NRG1: variants seen among roughly 807,000 people sequenced by gnomAD.
NRG1 encodes pro-neuregulin-1, membrane-bound isoform.
NRG1 carries 18 observed loss-of-function variants against 63.8 expected under a neutral mutation model. The observed-to-expected ratio is 0.28, with a 90% CI of 0.19 to 0.42. The LOEUF is 0.42. Ranked by LOEUF, NRG1 falls within the 10% of genes least tolerant of loss-of-function variation. The pLI, the probability that NRG1 is intolerant of heterozygous loss-of-function variation, is 1.00. For synonymous variants in NRG1, 302 were observed against 301.3 expected, an observed-to-expected ratio of 1.00 and a Z score of -0.02; for missense variants, 762 against 814.7, an observed-to-expected ratio of 0.94 and a Z score of 0.79.
chr8:32,462,286 T>G (rs1822412867), intron 1 of NRG1, among the ~76,000 whole-genome samples: 1 of 152,142 alleles, frequency 6.6e-6, no homozygotes, highest in African/African-American at 2.4e-5. Flanking sequence ...GTGCAGTAGG[T>G]AAAACTAATC....
At chr8:32,576,209 A>G (rs1180475139) in intron 1 of NRG1, among the ~76,000 whole-genome samples, 1 of 152,198 alleles carries the variant, frequency 6.6e-6, no homozygotes, top group Non-Finnish European at 1.5e-5. Flanking sequence ...AATATTATGA[A>G]ATTACTTTCA....
chr8:31,725,746 A>G (rs1396683802), intron 1 of NRG1, among the ~76,000 whole-genome samples: 1 of 152,186 alleles, frequency 6.6e-6, no homozygotes, highest in African/African-American at 2.4e-5. Flanking sequence ...TTATTTTTAA[A>G]TACTTTTCAC....
At chr8:32,478,114 G>A (rs979363674) in intron 1 of NRG1, among the ~76,000 whole-genome samples, 1 of 152,234 alleles carries the variant, frequency 6.6e-6, no homozygotes, top group Non-Finnish European at 1.5e-5. Context: ...AGGCAAATGA[G>A]AAATAAAACA....
At chr8:32,149,363 C>T (rs530299597) in intron 1 of NRG1, among the ~76,000 whole-genome samples, 6 of 152,144 alleles carry the variant, frequency 3.9e-5, no homozygotes, top group Non-Finnish European at 8.8e-5. Context: ...CGTGCACCCT[C>T]GGATGTCTGG....
intron 1 of NRG1, among the ~76,000 whole-genome samples, chr8:32,298,855 C>T (rs758943216): frequency 3.3e-5 from 5 of 151,152 alleles, no homozygotes; most frequent in South Asian, 4.2e-4. Flanking sequence ...TGTGAAACCC[C>T]GTCTCTACTA....
In NRG1 at chr8:32,576,787, TTTTATA is replaced by T. The variant is rs1169935596; in HGVS notation, c.101-19026_101-19021del. Among the ~76,000 whole-genome samples, 23 of 151,588 alleles carry T rather than the reference TTTTATA, an allele frequency of 1.5e-4. No homozygotes were observed. The East Asian group carries it at 3.1e-3, about 20-fold the overall frequency. On this transcript the variant is annotated intron_variant, in intron 1 of 11. Coordinates refer to ENST00000356819, the Ensembl canonical transcript of NRG1. ...TTTAAAAAAATAATTTCGACTTATA[TTTTATA>T]TTTATATTTATATTATTTTAAAAAA...
chr8:31,728,096 T>C (rs569257835), intron 1 of NRG1, among the ~76,000 whole-genome samples: 1 of 152,272 alleles, frequency 6.6e-6, no homozygotes, highest in East Asian at 1.9e-4. Flanking sequence ...TCTGAAATTT[T>C]CCACATAATA....
chr8:31,952,274 G>A (rs1803594582), intron 1 of NRG1, among the ~76,000 whole-genome samples: 1 of 152,178 alleles, frequency 6.6e-6, no homozygotes, highest in South Asian at 2.1e-4. Flanking sequence ...GGGGACAGAT[G>A]GGCGTGTAAA....
At chr8:32,101,326 A>G (rs907985166) in intron 1 of NRG1, among the ~76,000 whole-genome samples, 2 of 152,044 alleles carry the variant, frequency 1.3e-5, no homozygotes, top group Non-Finnish European at 2.9e-5. Flanking sequence ...GCAATCTTCC[A>G]CTCAGGACTC....
intron 1 of NRG1, among the ~76,000 whole-genome samples, chr8:32,477,216 A>G (rs201960279): frequency 6.6e-6 from 1 of 152,204 alleles, no homozygotes; most frequent in East Asian, 1.9e-4. Context: ...GAACAAAGCC[A>G]TCAAGGAGGC....
intron 5 of NRG1, among the ~76,000 whole-genome samples, chr8:32,637,161 C>T (rs1156279463): frequency 1.3e-5 from 2 of 152,052 alleles, no homozygotes; most frequent in African/African-American, 2.4e-5. Flanking sequence ...CAAACTTATG[C>T]CCACTACCAA....
At chr8:32,387,002 G>A (rs1811104289) in intron 1 of NRG1, among the ~76,000 whole-genome samples, 1 of 152,176 alleles carries the variant, frequency 6.6e-6, no homozygotes. Flanking sequence ...GTCAGAGGCT[G>A]AGAACCAGGA....
At chr8:32,715,143 G>C (rs928612108) in intron 5 of NRG1, among the ~76,000 whole-genome samples, 41 of 152,140 alleles carry the variant, frequency 2.7e-4, no homozygotes, top group Non-Finnish European at 2.1e-4. Context: ...TTGTTGTAAA[G>C]ACAGGGCCTC....
chr8:32,111,183 C>T (rs777207144), intron 1 of NRG1, among the ~76,000 whole-genome samples: 1 of 152,120 alleles, frequency 6.6e-6, no homozygotes, highest in Non-Finnish European at 1.5e-5. Context: ...GCGGTGTGCT[C>T]TTGGCTCACT....
At chr8:31,819,069 C>A (rs943014993) in intron 1 of NRG1, among the ~76,000 whole-genome samples, 12 of 151,864 alleles carry the variant, frequency 7.9e-5, no homozygotes, top group African/African-American at 2.9e-4. Context: ...CAAAACAAAA[C>A]AAAAACTTAA....
chr8:31,801,741 G>A (rs948003226), intron 1 of NRG1, among the ~76,000 whole-genome samples: 1 of 152,246 alleles, frequency 6.6e-6, no homozygotes, highest in African/African-American at 2.4e-5. Context: ...TTTATTCAAA[G>A]AAATATTATC....
At chr8:32,534,567 T>C (rs530893802) in intron 1 of NRG1, among the ~76,000 whole-genome samples, 1 of 152,276 alleles carries the variant, frequency 6.6e-6, no homozygotes, top group East Asian at 1.9e-4. Context: ...GTCAGGTAAG[T>C]CTAATCAAAT....
rs1254870854 is a variant in NRG1 at position 31,777,479 on chromosome 8, C to G, written c.37+138048C>G. On this transcript the variant is annotated intron_variant, in intron 1 of 10. Coordinates refer to the NRG1 transcript ENST00000519301. Reference sequence around the variant, plus strand: ...AGGCTCAGGCATTCTGGATCCCAGGCCCATGTGCCTGCATGGTAGAGGGGG... The same window carrying G: ...AGGCTCAGGCATTCTGGATCCCAGGGCCATGTGCCTGCATGGTAGAGGGGG... Among the ~76,000 whole-genome samples, 4 of 152,338 alleles carry G rather than the reference C, an allele frequency of 2.6e-5. No individual in the cohort carries two copies. The East Asian group carries it at 7.7e-4, about 29-fold the overall frequency.
intron 1 of NRG1, among the ~76,000 whole-genome samples, chr8:31,979,520 C>A (rs186795236): frequency 1.3e-5 from 2 of 152,166 alleles, no homozygotes; most frequent in East Asian, 1.9e-4. Context: ...GCTGAACTAT[C>A]TTCTTCTTTC....
Sources: gnomAD v4.1 joint callset for allele counts (sites outside exome capture counted in the v4.1 genomes callset) on GRCh38, gnomAD v4.1.1 for gene constraint, MANE v1.5 for transcripts, NCBI Gene and HGNC (gene_info 2026-07-23, HGNC 2026-07-21) for gene names.